Variants in SPAG16 observed in about 807,000 individuals in gnomAD.
The protein encoded by SPAG16 is sperm-associated antigen 16 protein.
Under a neutral mutation model 80.4 loss-of-function variants are expected in SPAG16, and 86 were observed. The observed-to-expected ratio is 1.07, with a 90% CI of 0.90 to 1.28. The LOEUF (loss-of-function observed/expected upper bound fraction) is 1.28. Among genes scored for constraint, SPAG16 ranks in the 50% most tolerant of loss-of-function variants. SPAG16 has a pLI of 0.00. For synonymous variants in SPAG16, 294 were observed against 265.9 expected, an observed-to-expected ratio of 1.11 and a Z score of -1.03; for missense variants, 870 against 765.3, an observed-to-expected ratio of 1.14 and a Z score of -1.61.
intron 14 of SPAG16, among the ~76,000 whole-genome samples, chr2:214,114,264 C>T (rs1332567019): frequency 6.6e-6 from 1 of 152,202 alleles, no homozygotes; most frequent in African/African-American, 2.4e-5. Flanking sequence ...AGGTGTCTCC[C>T]AGTTAGGCTA....
chr2:214,183,403 A>G (rs1440675592), intron 15 of SPAG16, among the ~76,000 whole-genome samples: 1 of 151,960 alleles, frequency 6.6e-6, no homozygotes, highest in African/African-American at 2.4e-5. Flanking sequence ...AGCTACTATT[A>G]TTGGTGTGAA....
intron 15 of SPAG16, among the ~76,000 whole-genome samples, chr2:214,330,761 G>A (rs1187044411): frequency 6.6e-6 from 1 of 152,182 alleles, no homozygotes; most frequent in Non-Finnish European, 1.5e-5. Flanking sequence ...AGACCCAGGT[G>A]GGGGCCAAAA....
At chr2:213,886,155 G>A (rs541521335) in intron 11 of SPAG16, among the ~76,000 whole-genome samples, 1 of 152,234 alleles carries the variant, frequency 6.6e-6, no homozygotes, top group Non-Finnish European at 1.5e-5. Flanking sequence ...ATTCTGTCAG[G>A]ATTGGAATCT....
At chr2:213,677,337 G>T (rs1403937309) in intron 10 of SPAG16, among the ~76,000 whole-genome samples, 1 of 152,156 alleles carries the variant, frequency 6.6e-6, no homozygotes, top group South Asian at 2.1e-4. Flanking sequence ...TGGATAAAGA[G>T]TCAAGACCCA....
intron 10 of SPAG16, among the ~76,000 whole-genome samples, chr2:213,581,209 C>A (rs529148798): frequency 1.3e-5 from 2 of 152,046 alleles, no homozygotes; most frequent in Non-Finnish European, 2.9e-5. Flanking sequence ...TAGGTACTGG[C>A]AACCTTTTAT....
chr2:213,534,768 A>G (rs1398064776), intron 10 of SPAG16, among the ~76,000 whole-genome samples: 1 of 152,142 alleles, frequency 6.6e-6, no homozygotes, highest in African/African-American at 2.4e-5. Flanking sequence ...TTTATTTGTC[A>G]CAAATCAACA....
intron 10 of SPAG16, among the ~76,000 whole-genome samples, chr2:213,554,652 A>G (rs2059368941): frequency 6.6e-6 from 1 of 152,102 alleles, no homozygotes; most frequent in Admixed American, 6.5e-5. Context: ...AACAAAAATG[A>G]TAGAGAAATC....
chr2:213,412,822 G>A (rs1051839251), intron 9 of SPAG16, among the ~76,000 whole-genome samples: 1 of 151,996 alleles, frequency 6.6e-6, no homozygotes, highest in Non-Finnish European at 1.5e-5. Flanking sequence ...ATAGATCCTA[G>A]GAGTAGAGGC....
intron 10 of SPAG16, among the ~76,000 whole-genome samples, chr2:213,839,317 T>C (rs534024928): frequency 6.6e-6 from 1 of 152,358 alleles, no homozygotes; most frequent in African/African-American, 2.4e-5. Flanking sequence ...AGAAAATACT[T>C]GCATTGTAGA....
intron 3 of SPAG16, among the ~76,000 whole-genome samples, chr2:213,309,854 A>G (rs150930087): frequency 6.6e-6 from 1 of 152,076 alleles, no homozygotes; most frequent in East Asian, 1.9e-4. Flanking sequence ...CATCCACTTG[A>G]CTAATAGATA....
At chr2:214,237,734 C>A (rs1201800017) in intron 15 of SPAG16, among the ~76,000 whole-genome samples, 1 of 151,890 alleles carries the variant, frequency 6.6e-6, no homozygotes, top group East Asian at 1.9e-4. Context: ...CATCTCATTT[C>A]CTCTCTAAAA....
Position 214,232,273 on chromosome 2 carries a change from G to T in SPAG16, c.1720+83007G>T, listed in dbSNP as rs139748854. On this transcript the variant is annotated intron_variant, in intron 15 of 15. Coordinates refer to ENST00000331683, the MANE Select transcript of SPAG16 (RefSeq NM_024532.5). ...AGAATTTCAAGCTAGAAATATCTCA[G>T]AGAGTATAGTATCTTTTACCTTAAA... is the stretch of plus-strand genomic sequence containing the variant. Among the ~76,000 whole-genome samples, 430 of 152,072 alleles carry T rather than the reference G, an allele frequency of 2.8e-3. 1 individual carries two copies. The highest frequency in any genetic ancestry group is 9.5e-3 in the African/African-American group (394 of 41,534).
At chr2:214,347,349 GT>G (rs34525160) in intron 15 of SPAG16, among the ~76,000 whole-genome samples, 24 of 148,796 alleles carry the variant, frequency 1.6e-4, no homozygotes, top group African/African-American at 4.4e-4. Flanking sequence ...AAATATTAGG[GT>G]TTTTTTTTTA....
rs563962398 is a variant in SPAG16, at chr2:214,297,851, T to G, written c.1721-112289T>G. Among the ~76,000 whole-genome samples, 119 of 151,602 alleles carry G rather than the reference T, an allele frequency of 7.8e-4. 1 individual carries two copies. The highest frequency in any genetic ancestry group is 2.8e-3 in the African/African-American group (117 of 41,434). On this transcript the variant is annotated intron_variant, in intron 15 of 15. Transcript: ENST00000331683. ...TTTTTTTTTTTGGTTTTGTATGAATTTTAAGATTGTTTTTTCAAATTCTGT... is the reference window on the plus strand; with the variant it reads ...TTTTTTTTTTTGGTTTTGTATGAATGTTAAGATTGTTTTTTCAAATTCTGT...
intron 10 of SPAG16, among the ~76,000 whole-genome samples, chr2:213,714,425 T>C (rs1025679428): frequency 3.3e-5 from 5 of 152,086 alleles, no homozygotes; most frequent in Non-Finnish European, 7.4e-5. Flanking sequence ...TTCCTCCTCT[T>C]TGGCCCTAGA....
At chr2:213,736,894 C>T (rs1559423539) in intron 10 of SPAG16, among the ~76,000 whole-genome samples, 1 of 151,268 alleles carries the variant, frequency 6.6e-6, no homozygotes, top group Non-Finnish European at 1.5e-5. Flanking sequence ...TTAGTAGAAA[C>T]GGGGTTTCAC....
Position 214,169,241 on chromosome 2 carries a change from TTG to T in SPAG16, c.1720+19977_1720+19978del, listed in dbSNP as rs377252142. On this transcript the variant is annotated intron_variant, in intron 15 of 15. Transcript: ENST00000331683. ...CTGAGATGTAAATTAATGTATTTAT[TTG>T]TTACTAACCAATATAATTTAATTTT... 3.3e-3 allele frequency among the ~76,000 whole-genome samples: 499 copies of T among 152,228 alleles called. 1 individual carries two copies. Among genetic ancestry groups the T allele is most frequent in the Non-Finnish European group, 5.8e-3 (392 of 68,004 alleles).
chr2:214,370,373 T>C (rs1416556554), intron 15 of SPAG16, among the ~76,000 whole-genome samples: 1 of 152,194 alleles, frequency 6.6e-6, no homozygotes, highest in Non-Finnish European at 1.5e-5. Context: ...CTCATTTTGA[T>C]TGCTGTGCTG....
intron 15 of SPAG16, among the ~76,000 whole-genome samples, chr2:214,208,397 C>G (rs1351169291): frequency 1.3e-5 from 2 of 152,106 alleles, no homozygotes; most frequent in Non-Finnish European, 2.9e-5. Flanking sequence ...ATGGTAAGGA[C>G]TCTACTTCTA....
Sources: gnomAD v4.1 joint callset for allele counts (sites outside exome capture counted in the v4.1 genomes callset) on GRCh38, gnomAD v4.1.1 for gene constraint, MANE v1.5 for transcripts, NCBI Gene and HGNC (gene_info 2026-07-23, HGNC 2026-07-21) for gene names.